Variants in PDZD9 observed in about 807,000 individuals in gnomAD.
The protein encoded by PDZD9 is PDZ domain-containing protein 9.
Under a neutral mutation model 16.3 loss-of-function variants are expected in PDZD9, and 13 were observed. That is an observed-to-expected ratio of 0.80 (90% CI 0.52 to 1.27). The LOEUF (loss-of-function observed/expected upper bound fraction) is 1.27. PDZD9 is among the 50% of genes most tolerant of loss of function. PDZD9 has a pLI of 0.00. For synonymous variants in PDZD9, 120 were observed against 111.0 expected, an observed-to-expected ratio of 1.08 and a Z score of -0.51; for missense variants, 288 against 310.9, an observed-to-expected ratio of 0.93 and a Z score of 0.55.
At chr16:21,971,950 G>C in the PDZD9 span, 1 of 1,614,140 alleles carries the variant, frequency 6.2e-7, no homozygotes, top group Non-Finnish European at 8.5e-7. Context: ...AATGGAGACA[G>C]TCTTGTCCAT....
chr16:21,958,363 A>G, the PDZD9 span, among the ~76,000 whole-genome samples: 1 of 152,354 alleles, frequency 6.6e-6, no homozygotes, highest in East Asian at 1.9e-4. Flanking sequence ...TAATGTAAAA[A>G]TGTATACTTA....
the PDZD9 span, chr16:21,965,624 C>A: frequency 1.2e-6 from 1 of 810,440 alleles, no homozygotes; most frequent in Non-Finnish European, 1.8e-6. Flanking sequence ...ATTCAGCGTG[C>A]TAGCTTTTTC....
chr16:21,968,462 A>G, the PDZD9 span: 1 of 482,286 alleles, frequency 2.1e-6, no homozygotes, highest in South Asian at 4.4e-5. Context: ...AATAGTTTTT[A>G]TAATAAAATC....
At chr16:21,977,311 G>A in the PDZD9 span, among the ~76,000 whole-genome samples, 22 of 151,908 alleles carry the variant, frequency 1.4e-4, 1 homozygote, top group East Asian at 3.3e-3. Context: ...CTAAGATCAC[G>A]CCATTGCACA....
the PDZD9 span, among the ~76,000 whole-genome samples, chr16:21,968,865 A>G: frequency 1.3e-5 from 2 of 152,242 alleles, no homozygotes; most frequent in Admixed American, 6.5e-5. Flanking sequence ...GCAGAATCCA[A>G]CATTTAAATT....
chr16:21,968,051 G>A, the PDZD9 span, among the ~76,000 whole-genome samples: 3 of 144,984 alleles, frequency 2.1e-5, no homozygotes, highest in Non-Finnish European at 4.5e-5. Flanking sequence ...GCCCAGGCCA[G>A]AGTGCAATGA....
chr16:21,987,452 T>C (rs960396941), intron 3 of PDZD9, among the ~76,000 whole-genome samples: 1 of 151,708 alleles, frequency 6.6e-6, no homozygotes, highest in African/African-American at 2.4e-5. Context: ...TTGGTGATAA[T>C]ACAGTTTGAA....
At chr16:21,995,176 T>A (rs1899116600) in intron 2 of PDZD9, 2 of 453,546 alleles carry the variant, frequency 4.4e-6, no homozygotes, top group Non-Finnish European at 8.9e-6. Context: ...TCTGGTTGTT[T>A]AAACGTGTGT....
the PDZD9 span, among the ~76,000 whole-genome samples, chr16:21,964,186 G>T: frequency 6.6e-6 from 1 of 152,164 alleles, no homozygotes; most frequent in African/African-American, 2.4e-5. Flanking sequence ...CATTATCTTT[G>T]TTGCTCAGGA....
intron 3 of PDZD9, among the ~76,000 whole-genome samples, 174 bp downstream of exon 3, chr16:21,988,422 GCTTTCT>G (rs1898935382): frequency 6.6e-6 from 1 of 152,034 alleles, no homozygotes. Flanking sequence ...ACTTCATCGT[GCTTTCT>G]CATATTAGAT....
intron 1 of PDZD9, among the ~76,000 whole-genome samples, chr16:22,000,668 T>A (rs1899272198): frequency 1.3e-5 from 2 of 151,752 alleles, no homozygotes; most frequent in African/African-American, 4.8e-5. Context: ...CTACTAAAAA[T>A]AAAAAATTAG....
chr16:21,962,703 TCTCAA>T, the PDZD9 span: 1 of 1,610,894 alleles, frequency 6.2e-7, no homozygotes, highest in South Asian at 1.1e-5. Flanking sequence ...CTATGTAGAA[TCTCAA>T]ATGTTGGCTT....
the PDZD9 span, among the ~76,000 whole-genome samples, chr16:21,970,572 T>C: frequency 6.6e-6 from 1 of 152,204 alleles, no homozygotes; most frequent in African/African-American, 2.4e-5. Context: ...TTTTGTCCAT[T>C]TGTATAACTT....
chr16:22,000,756 A>C (rs1173341101), intron 1 of PDZD9, among the ~76,000 whole-genome samples: 1 of 151,478 alleles, frequency 6.6e-6, no homozygotes, highest in East Asian at 2.0e-4. Flanking sequence ...CCTGGGAGGC[A>C]GAGGTTGCAG....
chr16:21,979,169 G>C (rs1253927797), downstream of PDZD9, among the ~76,000 whole-genome samples: 3 of 152,162 alleles, frequency 2.0e-5, no homozygotes, highest in Non-Finnish European at 4.4e-5. Context: ...GTTGTCTGTG[G>C]TGACACCAAG....
chr16:21,976,897 G>A, the PDZD9 span: 1 of 152,118 alleles, frequency 6.6e-6, no homozygotes, highest in East Asian at 1.9e-4. Context: ...TCATTGGTGT[G>A]TCAAAATACA....
At chr16:21,994,336 C>G (rs1015143063) in intron 2 of PDZD9, among the ~76,000 whole-genome samples, 2 of 152,224 alleles carry the variant, frequency 1.3e-5, no homozygotes, top group African/African-American at 4.8e-5. Context: ...GTGTCAGACC[C>G]TGAGCCTGAA....
intron 2 of PDZD9, among the ~76,000 whole-genome samples, chr16:21,993,600 T>G (rs1899075619): frequency 6.6e-6 from 1 of 152,152 alleles, no homozygotes; most frequent in African/African-American, 2.4e-5. Context: ...TTTTAAAACA[T>G]AAACTGCCCT....
At chr16:21,968,298 A>G in the PDZD9 span, among the ~76,000 whole-genome samples, 1 of 152,128 alleles carries the variant, frequency 6.6e-6, no homozygotes, top group South Asian at 2.1e-4. Flanking sequence ...TACTGCACCC[A>G]GCCTCTTTTT....
Sources: gnomAD v4.1 joint callset for allele counts (sites outside exome capture counted in the v4.1 genomes callset) on GRCh38, gnomAD v4.1.1 for gene constraint, MANE v1.5 for transcripts, NCBI Gene and HGNC (gene_info 2026-07-23, HGNC 2026-07-21) for gene names.